TBC1D32: variants seen among roughly 807,000 people sequenced by gnomAD.
TBC1D32 encodes the protein protein broad-minded.
TBC1D32 carries 151 observed loss-of-function variants against 170.3 expected under a neutral mutation model. The observed-to-expected ratio is 0.89, with a 90% CI of 0.78 to 1.01. The LOEUF (loss-of-function observed/expected upper bound fraction) is 1.01. Among genes scored for constraint, TBC1D32 ranks in the 50% least tolerant of loss-of-function variants. The pLI, the probability that TBC1D32 is intolerant of heterozygous loss-of-function variation, is 0.00. For missense variants in TBC1D32, 1,464 were observed against 1,457.1 expected (o/e 1.00, Z -0.08); for synonymous variants, 498 against 488.0 (o/e 1.02, Z -0.27).
chr6:121,267,920 G>A (rs1012423075), intron 15 of TBC1D32, among the ~76,000 whole-genome samples: 3 of 152,054 alleles, frequency 2.0e-5, no homozygotes, highest in African/African-American at 4.8e-5. Flanking sequence ...CCAGTGGAAC[G>A]ATCAGGCAGC....
chr6:121,282,286 G>T (rs1803128520), intron 13 of TBC1D32, among the ~76,000 whole-genome samples: 1 of 151,402 alleles, frequency 6.6e-6, no homozygotes, highest in Admixed American at 6.6e-5. Context: ...AGTTTAACAT[G>T]GTTGGAATCA....
intron 22 of TBC1D32, among the ~76,000 whole-genome samples, chr6:121,162,173 G>C (rs956096756): frequency 6.6e-6 from 1 of 152,120 alleles, no homozygotes; most frequent in Non-Finnish European, 1.5e-5. Context: ...AGTTTATTTT[G>C]TTGTACAGAA....
chr6:121,086,071 C>T (rs1335634165), intron 31 of TBC1D32, among the ~76,000 whole-genome samples: 2 of 152,018 alleles, frequency 1.3e-5, no homozygotes, highest in Non-Finnish European at 2.9e-5. Context: ...CTTGTATTCT[C>T]TACATATCTT....
intron 24 of TBC1D32, among the ~76,000 whole-genome samples, chr6:121,147,058 G>A (rs892401688): frequency 2.0e-5 from 3 of 152,096 alleles, no homozygotes; most frequent in South Asian, 4.1e-4. Context: ...TCCCACTTAT[G>A]AGAATATGCA....
intron 27 of TBC1D32, among the ~76,000 whole-genome samples, chr6:121,114,165 T>G (rs1172098207): frequency 6.6e-6 from 1 of 152,018 alleles, no homozygotes; most frequent in Non-Finnish European, 1.5e-5. Flanking sequence ...CAGAGCGAGA[T>G]TCCATCACAC....
intron 26 of TBC1D32, among the ~76,000 whole-genome samples, chr6:121,118,960 G>A (rs1356755602): frequency 6.6e-6 from 1 of 152,052 alleles, no homozygotes; most frequent in East Asian, 1.9e-4. Context: ...TCTTGATTAT[G>A]CAATTACCCC....
chr6:121,153,067 C>T (rs1219009061), intron 24 of TBC1D32, among the ~76,000 whole-genome samples: 2 of 152,114 alleles, frequency 1.3e-5, no homozygotes, highest in South Asian at 4.1e-4. Context: ...TAATCCTTTG[C>T]AGGAGAAAAG....
rs372494211 is a variant in TBC1D32 at position 121,242,229 on chromosome 6, A to G, written c.2129T>C (p.Ile710Thr). 1.2e-6 allele frequency: 2 copies of G among 1,612,254 alleles called. No individual in the cohort carries two copies. Among genetic ancestry groups the G allele is most frequent in the African/African-American group, 2.7e-5 (2 of 74,854 alleles). ...TGAINECVTF[I>T]FNRYAKKLQV... ...TAATTTTTTTGCATATCGATTGAAT[A>G]TAAATGTCACACATTCATTGATAGC... Residue 710 changes from isoleucine (I) to threonine (T), a missense_variant, in exon 18 of 32, where the codon ATA becomes ACA. This residue lies in a region of TBC1D32 where 1,363 missense variants were observed against 1,338.1 expected (regional missense o/e 1.02). Transcript: ENST00000398212.
At chr6:121,190,108 AC>A (rs1789771606) in intron 22 of TBC1D32, among the ~76,000 whole-genome samples, 1 of 145,774 alleles carries the variant, frequency 6.9e-6, no homozygotes. Context: ...ACACACACAC[AC>A]ACACACACAC....
intron 29 of TBC1D32, among the ~76,000 whole-genome samples, chr6:121,106,510 A>T (rs1778700373): frequency 6.6e-6 from 1 of 152,062 alleles, no homozygotes. Context: ...CACGAGTAAT[A>T]CTTTACATTT....
At chr6:121,322,789 G>C (rs1217569144) in intron 1 of TBC1D32, among the ~76,000 whole-genome samples, 1 of 152,054 alleles carries the variant, frequency 6.6e-6, no homozygotes, top group South Asian at 2.1e-4. Context: ...TATAGCATTG[G>C]GGAAAGGTTT....
intron 12 of TBC1D32, among the ~76,000 whole-genome samples, chr6:121,289,102 G>C (rs1804379754): frequency 6.6e-6 from 1 of 152,178 alleles, no homozygotes; most frequent in African/African-American, 2.4e-5. Flanking sequence ...ACAAGACAAG[G>C]ATGCCCTCTC....
At chr6:121,208,747 A>AAAAAAAAC (rs1554269715) in intron 21 of TBC1D32, among the ~76,000 whole-genome samples, 30 of 150,276 alleles carry the variant, frequency 2.0e-4, no homozygotes, top group Non-Finnish European at 4.3e-4. Context: ...AAAAAAAAAA[A>AAAAAAAAC]CAGAAATTAA....
rs1204581051 is a variant in TBC1D32 at position 121,113,052 on chromosome 6, A to C, written c.3169+10T>G. On this transcript the variant is annotated intron_variant, in intron 28 of 31. Transcript: ENST00000398212. Reference sequence around the variant, plus strand: ...AATTAAGCTATTGTGAATATACTCAAAAAGGATATGAAGAGAAGATTTTAT... The same window carrying C: ...AATTAAGCTATTGTGAATATACTCACAAAGGATATGAAGAGAAGATTTTAT... 4 of 1,586,736 alleles carry C rather than the reference A, an allele frequency of 2.5e-6. No individual in the cohort carries two copies. The highest frequency in any genetic ancestry group is 3.4e-6 in the Non-Finnish European group (4 of 1,165,664).
Position 121,176,572 on chromosome 6 carries a change from C to T in TBC1D32, c.2571-15516G>A, listed in dbSNP as rs182833971. 1.5e-4 allele frequency among the ~76,000 whole-genome samples: 23 copies of T among 152,144 alleles called. No homozygotes were observed. In the East Asian group the frequency reaches 4.1e-3, roughly 27 times the overall value. On this transcript the variant is annotated intron_variant, in intron 22 of 31. Coordinates refer to ENST00000398212, the MANE Select transcript of TBC1D32 (RefSeq NM_152730.6). The stretch of plus-strand genomic sequence containing the variant: ...CACAACACACAGTTTACTTGGCATC[C>T]CTACTGTTCAATGTACATTACCTGT...
chr6:121,321,873 CATATT>C, intron 1 of TBC1D32, 79 bp from the exon 2 acceptor site: 1 of 1,254,894 alleles, frequency 8.0e-7, no homozygotes, highest in East Asian at 2.5e-5. Flanking sequence ...AGAAAGGTAA[CATATT>C]AAGATTTCTT....
chr6:121,095,409 T>A (rs139928679), intron 30 of TBC1D32, among the ~76,000 whole-genome samples: 2,517 of 152,266 alleles, frequency 0.017, 70 homozygotes, highest in East Asian at 0.086. Context: ...CTTTTCCTAT[T>A]TGAATACCCT....
At chr6:121,219,104 G>T (rs1027457253) in intron 21 of TBC1D32, among the ~76,000 whole-genome samples, 1 of 152,156 alleles carries the variant, frequency 6.6e-6, no homozygotes, top group Non-Finnish European at 1.5e-5. Flanking sequence ...AAGTTAGGTA[G>T]TTGGGCAAAG....
Position 121,317,493 on chromosome 6 carries a change from A to AC in TBC1D32, c.495+1dup. The AC allele has an allele frequency of 1.3e-6, 2 of 1,589,470 alleles. No homozygotes were observed. The highest frequency in any genetic ancestry group is 1.7e-6 in the Non-Finnish European group (2 of 1,169,010). On this transcript the variant is annotated splice_donor_variant, in intron 3 of 31. Coordinates refer to ENST00000398212, the MANE Select transcript of TBC1D32 (RefSeq NM_152730.6). LOFTEE classifies it high-confidence loss of function. ...ACATAAATGCAAAACTGAACAACACACCTGATTCAATGATGAATCACTATC... is the reference window on the plus strand; with the variant it reads ...ACATAAATGCAAAACTGAACAACACACCCTGATTCAATGATGAATCACTATC...
Sources: allele counts gnomAD v4.1 joint callset (sites outside exome capture counted in the v4.1 genomes callset), GRCh38; gene constraint gnomAD v4.1.1; regional missense constraint gnomAD v4.1.1; transcripts MANE v1.5; gene names NCBI Gene and HGNC (gene_info 2026-07-23, HGNC 2026-07-21).